Variants in CAB39L observed in about 807,000 individuals in gnomAD.
CAB39L encodes calcium binding protein 39 like, also known as calcium-binding protein 39-like.
Under a neutral mutation model 39.1 loss-of-function variants are expected in CAB39L, and 23 were observed. The ratio of observed to expected loss-of-function variants is 0.59; its 90% CI spans 0.42 to 0.83. The LOEUF is 0.83. CAB39L is among the 40% of genes least tolerant of loss of function. The pLI, the probability that CAB39L is intolerant of heterozygous loss-of-function variation, is 0.00. For missense variants in CAB39L, 366 were observed against 391.9 expected, an observed-to-expected ratio of 0.93 and a Z score of 0.56; for synonymous variants, 126 against 137.2, an observed-to-expected ratio of 0.92 and a Z score of 0.57.
intron 6 of CAB39L, among the ~76,000 whole-genome samples, chr13:49,357,907 A>G (rs1400867658): frequency 6.6e-6 from 1 of 152,132 alleles, no homozygotes; most frequent in Non-Finnish European, 1.5e-5. Context: ...CTTCCCTCTG[A>G]CTCACACAGA....
chr13:49,417,327 C>T (rs1957101530), intron 3 of CAB39L, among the ~76,000 whole-genome samples: 1 of 152,148 alleles, frequency 6.6e-6, no homozygotes, highest in Admixed American at 6.5e-5. Flanking sequence ...TCCTTTACTC[C>T]TATTTGTATC....
At chr13:49,381,364 T>C (rs936169834) in intron 4 of CAB39L, among the ~76,000 whole-genome samples, 3 of 152,158 alleles carry the variant, frequency 2.0e-5, no homozygotes, top group Non-Finnish European at 4.4e-5. Flanking sequence ...ATGGAGAGTA[T>C]GTTTAAGAGA....
intron 3 of CAB39L, among the ~76,000 whole-genome samples, chr13:49,412,621 T>C (rs1322329200): frequency 6.6e-6 from 1 of 152,178 alleles, no homozygotes; most frequent in Non-Finnish European, 1.5e-5. Context: ...TTCTCCACTA[T>C]TACTCAATTA....
intron 5 of CAB39L, among the ~76,000 whole-genome samples, chr13:49,365,712 A>G (rs1455303852): frequency 6.6e-6 from 1 of 152,224 alleles, no homozygotes; most frequent in Non-Finnish European, 1.5e-5. Flanking sequence ...GTAAATTAGT[A>G]CAACTACTAT....
intron 3 of CAB39L, among the ~76,000 whole-genome samples, chr13:49,395,217 G>C (rs1481438735): frequency 6.7e-6 from 1 of 150,302 alleles, no homozygotes; most frequent in Admixed American, 6.6e-5. Context: ...TGGAATATCT[G>C]ATTGTCATGT....
intron 5 of CAB39L, among the ~76,000 whole-genome samples, chr13:49,367,718 A>G (rs2138530789): frequency 6.6e-6 from 1 of 152,278 alleles, no homozygotes; most frequent in South Asian, 2.1e-4. Context: ...GGAGTTTGAG[A>G]CCAGTCTGGG....
chr13:49,412,216 T>A (rs1450208109), intron 3 of CAB39L, among the ~76,000 whole-genome samples: 1 of 152,180 alleles, frequency 6.6e-6, no homozygotes, highest in African/African-American at 2.4e-5. Context: ...TGTTTTGCTA[T>A]CTTATAATCT....
chr13:49,381,850 G>A (rs1956259076), intron 4 of CAB39L, among the ~76,000 whole-genome samples: 1 of 152,200 alleles, frequency 6.6e-6, no homozygotes. Context: ...TGGTGCAGAT[G>A]TGCAAGAATA....
intron 1 of CAB39L, among the ~76,000 whole-genome samples, chr13:49,439,701 C>A (rs1225484105): frequency 1.3e-5 from 2 of 152,206 alleles, no homozygotes; most frequent in Non-Finnish European, 2.9e-5. Flanking sequence ...CTCCCACCAA[C>A]CGTGTGTAAG....
intron 3 of CAB39L, among the ~76,000 whole-genome samples, chr13:49,427,424 T>C: frequency 6.6e-6 from 1 of 152,222 alleles, no homozygotes; most frequent in Non-Finnish European, 1.5e-5. Context: ...TATGGGATTG[T>C]TCCCAAAGCA....
chr13:49,440,741 TG>T (rs1957501068), intron 1 of CAB39L, among the ~76,000 whole-genome samples: 1 of 150,246 alleles, frequency 6.7e-6, no homozygotes, highest in South Asian at 2.1e-4. Context: ...TGTGTGTGTG[TG>T]TGTGTGTGTG....
intron 10 of CAB39L, among the ~76,000 whole-genome samples, chr13:49,313,764 T>C (rs1433532159): frequency 2.0e-5 from 3 of 152,184 alleles, no homozygotes; most frequent in Non-Finnish European, 4.4e-5. Context: ...GCCTCCTGCC[T>C]CTGCCTGGCA....
chr13:49,310,833 A>T lies in CAB39L; in HGVS notation c.995T>A (p.Leu332Ter). Residue 332 changes from leucine (L) to a stop codon, truncating the protein, a stop_gained, in exon 11 of 11, where the codon TTG (leucine) becomes TAG (stop). Transcript: ENST00000409308. LOFTEE classifies it high-confidence loss of function. ...KNYLIKQIRDLKKTAP is the reference protein window; with the variant it reads ...KNYLIKQIRD ...AGCTCTTCAAGGGGCCGTTTTCTTC[A>T]AGTCTCGGATCTGTTTAATCAAGTA... 1 of 1,613,994 alleles carries T rather than the reference A, an allele frequency of 6.2e-7. No homozygotes were observed. The highest frequency in any genetic ancestry group is 8.5e-7 in the Non-Finnish European group (1 of 1,179,944).
intron 10 of CAB39L, among the ~76,000 whole-genome samples, chr13:49,328,674 TA>T (rs1247336722): frequency 6.6e-6 from 1 of 151,948 alleles, no homozygotes; most frequent in African/African-American, 2.4e-5. Flanking sequence ...CTGCAAATAA[TA>T]AAAATAGAAT....
chr13:49,406,333 A>AATTTTTTTTTTTT (rs1555264228), intron 3 of CAB39L, among the ~76,000 whole-genome samples: 7 of 90,632 alleles, frequency 7.7e-5, no homozygotes, highest in African/African-American at 2.3e-4. Flanking sequence ...ATGCCCAGCT[A>AATTTTTTTTTTTT]TTTTTTTTTT....
intron 3 of CAB39L, among the ~76,000 whole-genome samples, chr13:49,420,665 C>T (rs1957156815): frequency 6.6e-6 from 1 of 152,156 alleles, no homozygotes; most frequent in Non-Finnish European, 1.5e-5. Flanking sequence ...AAGCCATGTA[C>T]ATTATGTTTA....
intron 3 of CAB39L, among the ~76,000 whole-genome samples, chr13:49,390,261 AT>A (rs113259075): frequency 6.6e-6 from 1 of 152,168 alleles, no homozygotes; most frequent in African/African-American, 2.4e-5. Context: ...TTTAAAAAAA[AT>A]TTTAGAGACA....
intron 5 of CAB39L, among the ~76,000 whole-genome samples, chr13:49,375,757 G>T (rs4942820): frequency 0.54 from 81,845 of 150,454 alleles, 23,640 homozygotes; most frequent in African/African-American, 0.72. Context: ...TAACAAACCT[G>T]CACGTTGTGC....
chr13:49,438,029 C>T (rs1041620251), intron 1 of CAB39L, among the ~76,000 whole-genome samples: 3 of 151,910 alleles, frequency 2.0e-5, no homozygotes, highest in South Asian at 2.1e-4. Context: ...GACAAGCTTT[C>T]GCCATGTTGC....
Sources: allele counts gnomAD v4.1 joint callset (sites outside exome capture counted in the v4.1 genomes callset), GRCh38; gene constraint gnomAD v4.1.1; transcripts MANE v1.5; gene names NCBI Gene and HGNC (gene_info 2026-07-23, HGNC 2026-07-21).